Variants in SAFB2 observed in about 807,000 individuals in gnomAD.
The protein encoded by SAFB2 is scaffold attachment factor B2.
In SAFB2, 32 loss-of-function variants were observed where a neutral mutation model predicts 100.6. That is an observed-to-expected ratio of 0.32 (90% CI 0.24 to 0.43). SAFB2 has a LOEUF of 0.43. SAFB2 is among the 20% of genes least tolerant of loss of function. SAFB2 has a pLI of 1.00. For missense variants in SAFB2, 1,185 were observed against 1,163.4 expected (o/e 1.02, Z -0.27); for synonymous variants, 500 against 439.4 (o/e 1.14, Z -1.72).
chr19:5,594,318 G>A (rs2052490707), intron 14 of SAFB2, 140 bp from the exon 15 acceptor site: 7 of 996,972 alleles, frequency 7.0e-6, no homozygotes, highest in Middle Eastern at 6.2e-4. Flanking sequence ...AAAGCTGCGC[G>A]TGCAGGGGGT....
intron 4 of SAFB2, 40 bp from the exon 5 acceptor site, chr19:5,613,567 G>A: frequency 3.1e-6 from 5 of 1,601,698 alleles, no homozygotes; most frequent in Non-Finnish European, 4.3e-6. Flanking sequence ...GGAGGCTGGA[G>A]CTATGAAAAC....
intron 4 of SAFB2, chr19:5,613,772 G>A (rs755001306): frequency 6.1e-6 from 6 of 984,054 alleles, no homozygotes; most frequent in Non-Finnish European, 7.2e-6. Flanking sequence ...CTGGGTGAAT[G>A]AACGAATGAA....
intron 2 of SAFB2, among the ~76,000 whole-genome samples, chr19:5,617,632 A>G (rs1018260623): frequency 1.3e-5 from 2 of 152,192 alleles, no homozygotes. Context: ...GTCTGGAGAC[A>G]TTGTTAGTGG....
At position 5,612,536 on chromosome 19, in the gene SAFB2, G is replaced by C. The variant is rs997490327; in HGVS notation, c.634+4C>G. The C allele has an allele frequency of 5.0e-6, 8 of 1,612,796 alleles. No individual in the cohort carries two copies. Among genetic ancestry groups the C allele is most frequent in the Non-Finnish European group, 6.8e-6 (8 of 1,179,062 alleles). ...CATAACTGTCGTGTTTCTCTTATCA[G>C]TACCTGGCTCCAAAAGGGATTCTTC... On this transcript the variant is annotated splice_donor_region_variant and intron_variant, in intron 6 of 20. Transcript: ENST00000252542.
At chr19:5,613,390 A>G (rs893466406) in intron 5 of SAFB2, 75 bp downstream of exon 5, 24 of 1,285,304 alleles carry the variant, frequency 1.9e-5, no homozygotes, top group African/African-American at 4.4e-5. Flanking sequence ...ATACACATAC[A>G]CACTGCTCTT....
intron 5 of SAFB2, 61 bp downstream of exon 5, chr19:5,613,404 T>A: frequency 7.0e-7 from 1 of 1,419,362 alleles, no homozygotes; most frequent in Non-Finnish European, 9.9e-7. Context: ...TGCTCTTTCA[T>A]TATGGAAAAT....
intron 18 of SAFB2, 52 bp downstream of exon 18, chr19:5,590,226 T>C (rs2052361956): frequency 1.6e-6 from 2 of 1,265,832 alleles, no homozygotes; most frequent in Non-Finnish European, 2.1e-6. Flanking sequence ...GCACCAACCT[T>C]TTCCCAGGTT....
intron 12 of SAFB2, 57 bp from the exon 13 acceptor site, chr19:5,598,941 G>A: frequency 6.6e-7 from 1 of 1,513,720 alleles, no homozygotes; most frequent in Non-Finnish European, 9.1e-7. Flanking sequence ...ACTTCCCGCA[G>A]TAAACAGCAC....
chr19:5,591,131 A>C (rs1251160705), intron 17 of SAFB2, among the ~76,000 whole-genome samples: 1 of 152,160 alleles, frequency 6.6e-6, no homozygotes, highest in Non-Finnish European at 1.5e-5. Context: ...GGGACCCCAC[A>C]GGCACTAAGA....
intron 9 of SAFB2, among the ~76,000 whole-genome samples, chr19:5,609,350 C>CTGG (rs991371493): frequency 4.2e-5 from 6 of 141,192 alleles, no homozygotes; most frequent in African/African-American, 1.6e-4. Context: ...GTTACCCAGG[C>CTGG]TGGAGTGCAG....
chr19:5,610,707 G>A lies in SAFB2; in HGVS notation c.1146-19C>T. ...AAAAGAGCTAGAGACAAAAGTTAAT[G>A]TTACTCATACAGGAAAAAAACGAAA... On this transcript the variant is annotated intron_variant, in intron 7 of 20. Coordinates refer to ENST00000252542, the MANE Select transcript of SAFB2 (RefSeq NM_014649.3). The A allele has an allele frequency of 6.7e-7, 1 of 1,501,460 alleles. No homozygotes were observed. The highest frequency in any genetic ancestry group is 9.2e-7 in the Non-Finnish European group (1 of 1,089,914). The allele number at this position is 1,501,460 out of a possible 1,614,324, so 93.0% of individuals were successfully genotyped here.
intron 8 of SAFB2, 28 bp downstream of exon 8, chr19:5,610,611 C>A (rs1455234652): frequency 6.6e-7 from 1 of 1,515,200 alleles, no homozygotes; most frequent in Non-Finnish European, 9.1e-7. Context: ...CCATACCTGG[C>A]TCCCTACCAC....
intron 13 of SAFB2, chr19:5,598,339 G>A (rs781701454): frequency 2.5e-5 from 4 of 162,150 alleles, no homozygotes; most frequent in East Asian, 1.7e-4. Context: ...TGCACAACTC[G>A]AGAGGTACAG....
At chr19:5,615,927 C>T (rs1384587271) in intron 4 of SAFB2, among the ~76,000 whole-genome samples, 1 of 152,218 alleles carries the variant, frequency 6.6e-6, no homozygotes, top group Non-Finnish European at 1.5e-5. Context: ...ATTATAAAAA[C>T]ACTCCCCAGT....
chr19:5,597,126 A>T (rs534365199), intron 13 of SAFB2, among the ~76,000 whole-genome samples: 144 of 152,332 alleles, frequency 9.5e-4, no homozygotes, highest in African/African-American at 3.3e-3. Context: ...CACAGTGGGC[A>T]GCACAGCAGG....
At chr19:5,594,416 G>A (rs1176932505) in intron 14 of SAFB2, among the ~76,000 whole-genome samples, 1 of 152,246 alleles carries the variant, frequency 6.6e-6, no homozygotes, top group East Asian at 1.9e-4. Flanking sequence ...TTTTCCAAAT[G>A]CTGTGAGCAC....
At chr19:5,609,335 G>A (rs759453215) in intron 9 of SAFB2, among the ~76,000 whole-genome samples, 65 of 125,590 alleles carry the variant, frequency 5.2e-4, no homozygotes, top group Admixed American at 1.6e-3. Context: ...ACATAGTCTC[G>A]CTCTGTTACC....
chr19:5,600,765 T>C (rs1239033437), intron 11 of SAFB2, among the ~76,000 whole-genome samples: 4 of 152,184 alleles, frequency 2.6e-5, no homozygotes, highest in Non-Finnish European at 4.4e-5. Context: ...CCTCGACCGG[T>C]AACTGCTGCA....
At chr19:5,591,064 C>T (rs2052388516) in intron 17 of SAFB2, among the ~76,000 whole-genome samples, 2 of 152,108 alleles carry the variant, frequency 1.3e-5, no homozygotes, top group South Asian at 4.1e-4. Flanking sequence ...CGGGCTCCCC[C>T]ATCCCCCCGA....
Sources: allele counts gnomAD v4.1 joint callset (sites outside exome capture counted in the v4.1 genomes callset), GRCh38; gene constraint gnomAD v4.1.1; transcripts MANE v1.5; gene names NCBI Gene and HGNC (gene_info 2026-07-23, HGNC 2026-07-21).